The following ARHGEF12 variants were observed in gnomAD, a reference collection of about 807,000 sequenced individuals.
The protein encoded by ARHGEF12 is KMT2A/ARHGEF12 fusion protein.
ARHGEF12 carries 66 observed loss-of-function variants against 211.2 expected under a neutral mutation model. The observed-to-expected ratio is 0.31, with a 90% CI of 0.26 to 0.38. ARHGEF12 has a LOEUF of 0.38. Among genes scored for constraint, ARHGEF12 ranks in the 10% least tolerant of loss-of-function variants. ARHGEF12 has a pLI of 1.00. For synonymous variants in ARHGEF12, 592 were observed against 638.4 expected, an observed-to-expected ratio of 0.93 and a Z score of 1.09; for missense variants, 1,429 against 1,869.5, an observed-to-expected ratio of 0.76 and a Z score of 4.34.
intron 4 of ARHGEF12, among the ~76,000 whole-genome samples, 189 bp from the exon 5 acceptor site, chr11:120,420,564 T>G (rs12282434): frequency 0.013 from 2,007 of 152,360 alleles, 54 homozygotes; most frequent in African/African-American, 0.046. Context: ...AAACAGTATG[T>G]GTGACTCTGT....
Position 120,477,231 on chromosome 11 carries a change from A to G in ARHGEF12, c.3378A>G (p.Leu1126=), listed in dbSNP as rs74518328. The change falls in exon 35 of 41, where the codon CTA becomes CTG. Residue 1126 remains leucine (L), a synonymous_variant. Coordinates refer to ENST00000397843, the MANE Select transcript of ARHGEF12 (RefSeq NM_015313.3). The stretch of plus-strand genomic sequence containing the variant: ...CAACTTTCTGAAGCTGGCAGGACCT[A>G]ATCTGTCGGATGGCTGCATCAGTGA... ...TVSEKTVWQD[L]ICRMAASVKE... 18,066 of 1,613,974 alleles carry G rather than the reference A, an allele frequency of 0.011. 1,215 individuals carry two copies. In the South Asian group the frequency reaches 0.14, roughly 13 times the overall value.
rs555710842 is a variant in ARHGEF12, at chr11:120,480,842, A to G, written c.4237+412A>G. Reference sequence around the variant, plus strand: ...GCAGAGACCTCAATGAAATGAGGGAATAAAGCCGGGTGGGTACCTGGGAGC... The same window carrying G: ...GCAGAGACCTCAATGAAATGAGGGAGTAAAGCCGGGTGGGTACCTGGGAGC... On this transcript the variant is annotated intron_variant, in intron 38 of 40. Transcript: ENST00000397843. Among the ~76,000 whole-genome samples the G allele has an allele frequency of 3.9e-5, 6 of 152,288 alleles. No individual in the cohort carries two copies. In the East Asian group the frequency reaches 1.2e-3, roughly 29 times the overall value.
intron 1 of ARHGEF12, among the ~76,000 whole-genome samples, chr11:120,343,991 G>A (rs896809795): frequency 7.2e-5 from 11 of 152,030 alleles, no homozygotes; most frequent in African/African-American, 2.4e-4. Flanking sequence ...CTGGCCAGGC[G>A]CGGTGGCTCA....
chr11:120,375,362 T>C (rs769956373), intron 1 of ARHGEF12, among the ~76,000 whole-genome samples: 1 of 152,186 alleles, frequency 6.6e-6, no homozygotes, highest in Non-Finnish European at 1.5e-5. Context: ...TGTTAGATCA[T>C]CTTTTTGACC....
At chr11:120,427,736 A>G (rs971402132) in intron 7 of ARHGEF12, among the ~76,000 whole-genome samples, 2 of 151,964 alleles carry the variant, frequency 1.3e-5, no homozygotes, top group Non-Finnish European at 2.9e-5. Flanking sequence ...CCACTAATAG[A>G]TGGTTGATTT....
Position 120,485,288 on chromosome 11 carries a change from A to G in ARHGEF12, c.*211A>G. 1.9e-6 allele frequency: 1 copy of G among 534,760 alleles called. No homozygotes were observed. The highest frequency in any genetic ancestry group is 3.3e-5 in the Admixed American group (1 of 30,016). 33.1% of individuals were successfully genotyped at this position (534,760 alleles called of 1,614,324 possible). A position where few individuals can be genotyped will look rare whatever the true frequency, so the allele number is the denominator to read the frequency against. On this transcript the variant is annotated 3_prime_UTR_variant, in exon 41 of 41. Coordinates refer to ENST00000397843, the MANE Select transcript of ARHGEF12 (RefSeq NM_015313.3). ...CTAATCTGTTTGTGAGGGAATATCC[A>G]TTCCCTCACTCTACTCTCCTCACTA...
intron 11 of ARHGEF12, among the ~76,000 whole-genome samples, chr11:120,433,524 G>A (rs1458569936): frequency 6.6e-6 from 1 of 152,144 alleles, no homozygotes; most frequent in African/African-American, 2.4e-5. Context: ...GGACTGTCTT[G>A]TCTGACTTTA....
intron 22 of ARHGEF12, among the ~76,000 whole-genome samples, chr11:120,454,087 G>C (rs1005633529): frequency 1.3e-5 from 2 of 151,906 alleles, no homozygotes; most frequent in Non-Finnish European, 2.9e-5. Flanking sequence ...CTGACATTTG[G>C]GAGTCCAAAG....
At position 120,467,134 on chromosome 11, in the gene ARHGEF12, A is replaced by G. The variant is rs1456734799; in HGVS notation, c.2740-60A>G. The G allele has an allele frequency of 2.7e-6, 3 of 1,099,748 alleles. 1 individual carries two copies. The highest frequency in any genetic ancestry group is 1.4e-6 in the Non-Finnish European group (1 of 725,540). The allele number at this position is 1,099,748 out of a possible 1,614,324, so 68.1% of individuals were successfully genotyped here. A position where few individuals can be genotyped will look rare whatever the true frequency, so the allele number is the denominator to read the frequency against. ...TGCATTAAACCCTCACGGTGAATAC[A>G]TGGTACATGTATAAGTTCAAATAAG... On this transcript the variant is annotated intron_variant, in intron 28 of 40. Transcript: ENST00000397843.
rs1947379998 is a variant in ARHGEF12, at chr11:120,485,722, G to A, written c.*645G>A. The A allele has an allele frequency of 4.3e-6, 1 of 233,764 alleles. No individual in the cohort carries two copies. The highest frequency in any genetic ancestry group is 8.5e-6 in the Non-Finnish European group (1 of 118,098). The allele number at this position is 233,764 out of a possible 1,614,324, so 14.5% of individuals were successfully genotyped here. A position where few individuals can be genotyped will look rare whatever the true frequency, so the allele number is the denominator to read the frequency against. ...GTATGCTATGCCGTGTGGCTCTTAT[G>A]TGCCCAGGTGGTGTGGTCAGAGAGT... On this transcript the variant is annotated 3_prime_UTR_variant, in exon 41 of 41. Coordinates refer to ENST00000397843, the MANE Select transcript of ARHGEF12 (RefSeq NM_015313.3).
intron 29 of ARHGEF12, among the ~76,000 whole-genome samples, chr11:120,467,929 A>T (rs192589431): frequency 8.1e-4 from 123 of 152,276 alleles, no homozygotes; most frequent in Non-Finnish European, 1.5e-3. Context: ...GATTGCTTTT[A>T]CATTATAACA....
At chr11:120,366,408 T>C (rs2135388184) in intron 1 of ARHGEF12, among the ~76,000 whole-genome samples, 1 of 152,262 alleles carries the variant, frequency 6.6e-6, no homozygotes, top group South Asian at 2.1e-4. Context: ...TCCTCCCACC[T>C]TGGGCTCCCA....
chr11:120,415,361 A>G (rs1944999174), intron 4 of ARHGEF12, among the ~76,000 whole-genome samples: 1 of 152,228 alleles, frequency 6.6e-6, no homozygotes, highest in Non-Finnish European at 1.5e-5. Context: ...CTTTGAGAAC[A>G]GAAACTCCAA....
chr11:120,402,043 A>G (rs894647574), intron 1 of ARHGEF12, among the ~76,000 whole-genome samples: 4 of 152,208 alleles, frequency 2.6e-5, no homozygotes, highest in African/African-American at 9.6e-5. Flanking sequence ...TGTGAGGTAT[A>G]GGTAGATGTA....
chr11:120,357,085 C>T (rs1943151547), intron 1 of ARHGEF12, among the ~76,000 whole-genome samples: 1 of 151,774 alleles, frequency 6.6e-6, no homozygotes, highest in African/African-American at 2.4e-5. Context: ...AGTGCAGTGG[C>T]GTGATCTCAG....
Position 120,488,015 on chromosome 11 carries a change from T to G in ARHGEF12, c.*2938T>G. 1 of 222,470 alleles carries G rather than the reference T, an allele frequency of 4.5e-6. No homozygotes were observed. The highest frequency in any genetic ancestry group is 6.6e-5 in the East Asian group (1 of 15,176). 13.8% of individuals were successfully genotyped at this position (222,470 alleles called of 1,614,324 possible). The stretch of plus-strand genomic sequence containing the variant: ...TATTTTATGAGCTTTTTGGCTTTCT[T>G]TTTTCCCACAGCAACTGCCAATGAA... On this transcript the variant is annotated 3_prime_UTR_variant, in exon 41 of 41. Coordinates refer to ENST00000397843, the MANE Select transcript of ARHGEF12 (RefSeq NM_015313.3).
At chr11:120,432,032 T>A in intron 11 of ARHGEF12, 121 bp downstream of exon 11, 2 of 883,828 alleles carry the variant, frequency 2.3e-6, no homozygotes, top group Non-Finnish European at 3.1e-6. Flanking sequence ...TCCCCATTTT[T>A]AATGTACCAA....
chr11:120,406,704 G>T (rs1015738512), intron 2 of ARHGEF12, among the ~76,000 whole-genome samples: 2 of 151,996 alleles, frequency 1.3e-5, no homozygotes, highest in African/African-American at 4.8e-5. Context: ...GACTACAGGC[G>T]CCCGCCACCA....
rs1942956985 is a variant in ARHGEF12 at position 120,351,441 on chromosome 11, ATATATATATATATATTTT to A, written c.32+14168_32+14185del. On this transcript the variant is annotated intron_variant, in intron 1 of 40. Coordinates refer to ENST00000397843, the MANE Select transcript of ARHGEF12 (RefSeq NM_015313.3). ...TATATATATATATATATATATATAT[ATATATATATATATATTTT>A]TTTTTTTTTTTTTTTTTTTTTTGAG... is the stretch of plus-strand genomic sequence containing the variant. Among the ~76,000 whole-genome samples, 7 of 4,026 alleles carry A rather than the reference ATATATATATATATATTTT, an allele frequency of 1.7e-3. 1 individual carries two copies. Among genetic ancestry groups the A allele is most frequent in the African/African-American group, 5.0e-3 (3 of 606 alleles). 2.6% of individuals were successfully genotyped at this position (4,026 alleles called of 152,430 possible). A position where few individuals can be genotyped will look rare whatever the true frequency, so the allele number is the denominator to read the frequency against.
Sources: allele counts gnomAD v4.1 joint callset (sites outside exome capture counted in the v4.1 genomes callset), GRCh38; gene constraint gnomAD v4.1.1; transcripts MANE v1.5; gene names NCBI Gene and HGNC (gene_info 2026-07-23, HGNC 2026-07-21).